Variants in CPEB4 observed in about 807,000 individuals in gnomAD.
CPEB4 encodes cytoplasmic polyadenylation element binding protein 4, also known as cytoplasmic polyadenylation element-binding protein 4.
CPEB4 carries 12 observed loss-of-function variants against 72.5 expected under a neutral mutation model. That is an observed-to-expected ratio of 0.17 (90% CI 0.11 to 0.27). The LOEUF (loss-of-function observed/expected upper bound fraction) is 0.27, where lower values mean the gene tolerates loss of function less well. Ranked by LOEUF, CPEB4 falls within the 10% of genes least tolerant of loss-of-function variation. CPEB4 has a pLI of 1.00. For missense variants in CPEB4, 614 were observed against 908.5 expected, an observed-to-expected ratio of 0.68 and a Z score of 4.17; for synonymous variants, 302 against 326.3, an observed-to-expected ratio of 0.93 and a Z score of 0.80.
intron 2 of CPEB4, among the ~76,000 whole-genome samples, chr5:173,914,107 A>G (rs1756777721): frequency 6.6e-6 from 1 of 152,218 alleles, no homozygotes; most frequent in Non-Finnish European, 1.5e-5. Context: ...GAGTGCATGG[A>G]TCTAAAATGC....
In CPEB4 at chr5:173,900,405, CA is replaced by C. The variant is rs112178226; in HGVS notation, c.1125+9560del. Among the ~76,000 whole-genome samples the C allele has an allele frequency of 1.3e-3, 183 of 143,440 alleles. No individual in the cohort carries two copies. The highest frequency in any genetic ancestry group is 9.7e-4 in the Admixed American group (14 of 14,406). The allele number at this position is 143,440 out of a possible 152,430, so 94.1% of individuals were successfully genotyped here. On this transcript the variant is annotated intron_variant, in intron 1 of 9. Coordinates refer to ENST00000265085, the MANE Select transcript of CPEB4 (RefSeq NM_030627.4). This position sits in a 1 kb window ranked among gnomAD's most constrained non-coding sequence, Gnocchi z 4.4. ...GGACAACAACAGCGGAACTCTGTCT[CA>C]AAAAAAAAAAAAGTTGTACATTAGG...
intron 3 of CPEB4, among the ~76,000 whole-genome samples, chr5:173,934,642 C>A (rs1400897106): frequency 1.3e-5 from 2 of 152,052 alleles, no homozygotes; most frequent in Non-Finnish European, 2.9e-5. Flanking sequence ...CCAACTAGGA[C>A]CAGATGCCAA....
At chr5:173,917,734 TAAAA>T (rs761011373) in intron 2 of CPEB4, among the ~76,000 whole-genome samples, 1 of 152,024 alleles carries the variant, frequency 6.6e-6, no homozygotes, top group Admixed American at 6.6e-5. Context: ...CTCAAAGAAA[TAAAA>T]AAGAAGAAGA....
chr5:173,931,089 G>A (rs180689394), intron 2 of CPEB4, among the ~76,000 whole-genome samples: 2 of 152,150 alleles, frequency 1.3e-5, no homozygotes, highest in East Asian at 3.9e-4. Flanking sequence ...GTTGGCAATA[G>A]AGAATAGTTT....
chr5:173,956,128 C>T lies in CPEB4; in HGVS notation c.2181C>T (p.Arg727=). The T allele has an allele frequency of 6.2e-7, 1 of 1,613,802 alleles. No individual in the cohort carries two copies. The highest frequency in any genetic ancestry group is 8.5e-7 in the Non-Finnish European group (1 of 1,179,746). The change falls in exon 10 of 10, where the codon CGC becomes CGT. Residue 727 remains arginine (R), a synonymous_variant. Transcript: ENST00000265085. ...GGDRPRHISF[R]WN ...ACCGCCCTCGGCATATTTCATTCCG[C>T]TGGAACTAAAGGATAACTGCAGTGC...
chr5:173,917,737 AAAAG>A (rs1356105111), intron 2 of CPEB4, among the ~76,000 whole-genome samples: 1 of 152,186 alleles, frequency 6.6e-6, no homozygotes, highest in African/African-American at 2.4e-5. Context: ...AAAGAAATAA[AAAAG>A]AAGAAGAAAT....
Position 173,950,946 on chromosome 5 carries a change from C to T in CPEB4, c.1665+868C>T, listed in dbSNP as rs1758197242. ...CTGGCAAAGCAGCAGTTTATTATCA[C>T]TCAGCCAGCACCCAGTGAATGATGA... On this transcript the variant is annotated intron_variant, in intron 7 of 9. Coordinates refer to ENST00000265085, the MANE Select transcript of CPEB4 (RefSeq NM_030627.4). This position sits in a 1 kb window ranked among gnomAD's most constrained non-coding sequence, Gnocchi z 5.0. 6.6e-6 allele frequency among the ~76,000 whole-genome samples: 1 copy of T among 152,222 alleles called. No individual in the cohort carries two copies. The highest frequency in any genetic ancestry group is 1.5e-5 in the Non-Finnish European group (1 of 68,042).
At chr5:173,917,893 C>T (rs537923342) in intron 2 of CPEB4, among the ~76,000 whole-genome samples, 11 of 152,326 alleles carry the variant, frequency 7.2e-5, no homozygotes, top group Non-Finnish European at 1.6e-4. Flanking sequence ...TCAGAGTCGG[C>T]CGGCAGCTGC....
At chr5:173,895,134 A>T (rs1214952362) in intron 1 of CPEB4, among the ~76,000 whole-genome samples, 1 of 152,198 alleles carries the variant, frequency 6.6e-6, no homozygotes, top group Non-Finnish European at 1.5e-5. Context: ...ATGAAGGTCC[A>T]TATTCATGTG....
Position 173,934,537 on chromosome 5 carries a change from C to T in CPEB4, c.1258+2037C>T, listed in dbSNP as rs144597664. ...GCAAGACCCGGGAGTGTGGGGTTTA[C>T]AGTTGCCGTGGTCTCAGGTCTAGTA... On this transcript the variant is annotated intron_variant, in intron 3 of 9. Coordinates refer to ENST00000265085, the MANE Select transcript of CPEB4 (RefSeq NM_030627.4). Among the ~76,000 whole-genome samples the T allele has an allele frequency of 2.4e-3, 362 of 152,268 alleles. 4 individuals are homozygous for T. The highest frequency in any genetic ancestry group is 8.5e-3 in the African/African-American group (354 of 41,534).
At chr5:173,911,894 C>T (rs918792997) in intron 2 of CPEB4, among the ~76,000 whole-genome samples, 1 of 152,026 alleles carries the variant, frequency 6.6e-6, no homozygotes, top group Non-Finnish European at 1.5e-5. Flanking sequence ...CCTGCTTAGC[C>T]TAGTTTCCCT....
chr5:173,952,799 A>C (rs1459468336), intron 8 of CPEB4, among the ~76,000 whole-genome samples: 1 of 152,194 alleles, frequency 6.6e-6, no homozygotes, highest in African/African-American at 2.4e-5. Flanking sequence ...GTGACCTTGG[A>C]CAGATGGATC....
Position 173,956,603 on chromosome 5 carries a change from C to CTTTTTTTTTTTTTTTTTT in CPEB4, c.*482_*483insTTTTTTTTTTTTTTTTTT, listed in dbSNP as rs55771761. The CTTTTTTTTTTTTTTTTTT allele has an allele frequency of 7.5e-6, 1 of 133,066 alleles. No homozygotes were observed. The highest frequency in any genetic ancestry group is 1.6e-5 in the Non-Finnish European group (1 of 62,328). 8.2% of individuals were successfully genotyped at this position (133,066 alleles called of 1,614,324 possible). The stretch of plus-strand genomic sequence containing the variant: ...GGGAAGTGCTTTTGCCTTTTCCTTT[C>CTTTTTTTTTTTTTTTTTT]TTTTTTTTTTTTTTTTCATCTTTTT... On this transcript the variant is annotated 3_prime_UTR_variant, in exon 10 of 10. Coordinates refer to ENST00000265085, the MANE Select transcript of CPEB4 (RefSeq NM_030627.4).
Position 173,948,016 on chromosome 5 carries a change from C to G in CPEB4, c.1457-1492C>G, listed in dbSNP as rs1758088782. On this transcript the variant is annotated intron_variant, in intron 5 of 9. Coordinates refer to ENST00000265085, the MANE Select transcript of CPEB4 (RefSeq NM_030627.4). ...AGGGACACGCAGGACAAAAATTGTC[C>G]CAAATCAGGGACAATTTTGGGGACA... Among the ~76,000 whole-genome samples, 3 of 151,824 alleles carry G rather than the reference C, an allele frequency of 2.0e-5. No homozygotes were observed. The South Asian group carries it at 6.2e-4, about 32-fold the overall frequency.
chr5:173,907,832 G>A lies in CPEB4; in HGVS notation c.1126-2691G>A, dbSNP rs1427782870. On this transcript the variant is annotated intron_variant, in intron 1 of 9. Transcript: ENST00000265085. ...AGCTCCTGCCACCTCAGGCTCTTTT[G>A]GACAGTCTTGTGGGCTTAGGACATG... Among the ~76,000 whole-genome samples the A allele has an allele frequency of 2.0e-5, 3 of 152,190 alleles. No individual in the cohort carries two copies. In the East Asian group the frequency reaches 5.8e-4, roughly 29 times the overall value.
chr5:173,910,619 A>G lies in CPEB4; in HGVS notation c.1207+15A>G, dbSNP rs1756621828. Reference sequence around the variant, plus strand: ...TACCATTAAAGGTAAGTTTAGAAATATACCCAATTGATTTCAGACAATAGT... The same window carrying G: ...TACCATTAAAGGTAAGTTTAGAAATGTACCCAATTGATTTCAGACAATAGT... On this transcript the variant is annotated intron_variant, in intron 2 of 9. Coordinates refer to ENST00000265085, the MANE Select transcript of CPEB4 (RefSeq NM_030627.4). The G allele has an allele frequency of 6.8e-7, 1 of 1,464,898 alleles. No homozygotes were observed. Among genetic ancestry groups the G allele is most frequent in the South Asian group, 1.1e-5 (1 of 87,702 alleles). The allele number at this position is 1,464,898 out of a possible 1,614,324, so 90.7% of individuals were successfully genotyped here.
rs1252549340 is a variant in CPEB4 at position 173,955,767 on chromosome 5, A to G, written c.1963-143A>G. On this transcript the variant is annotated intron_variant, in intron 9 of 9. Transcript: ENST00000265085. The surrounding 1 kb of genome is among the most constrained non-coding windows in gnomAD (Gnocchi z 4.7). ...TAGGTTCTTAAAAGATGAACTATCC[A>G]TATTTCAGTAAATGAATAATTAGTC... 5 of 609,192 alleles carry G rather than the reference A, an allele frequency of 8.2e-6. No individual in the cohort carries two copies. The highest frequency in any genetic ancestry group is 3.1e-5 in the Admixed American group (1 of 31,846). The allele number at this position is 609,192 out of a possible 1,614,324, so 37.7% of individuals were successfully genotyped here.
rs1481607760 is a variant in CPEB4, at chr5:173,956,654, T to C, written c.*517T>C. ...TGTCTCTCTCTTTTTTCCATCCCTTTTTAATTTTTTTAACAGCAATGGAGG... is the reference window on the plus strand; with the variant it reads ...TGTCTCTCTCTTTTTTCCATCCCTTCTTAATTTTTTTAACAGCAATGGAGG... On this transcript the variant is annotated 3_prime_UTR_variant, in exon 10 of 10. Transcript: ENST00000265085. 1 of 151,638 alleles carries C rather than the reference T, an allele frequency of 6.6e-6. No individual in the cohort carries two copies. Among genetic ancestry groups the C allele is most frequent in the African/African-American group, 2.4e-5 (1 of 41,292 alleles). 9.4% of individuals were successfully genotyped at this position (151,638 alleles called of 1,614,324 possible).
intron 1 of CPEB4, among the ~76,000 whole-genome samples, chr5:173,892,274 A>ATTTTTTTTTTTTTTTTTTTTTTT (rs71820084): frequency 8.3e-6 from 1 of 120,770 alleles, no homozygotes. Flanking sequence ...TCTAAAAACG[A>ATTTTTTTTTTTTTTTTTTTTTTT]TTTTTTTTTT....
Sources: gnomAD v4.1 joint callset for allele counts (sites outside exome capture counted in the v4.1 genomes callset) on GRCh38, gnomAD v4.1.1 for gene constraint, Gnocchi (gnomAD v3.1) non-coding constraint, MANE v1.5 for transcripts, NCBI Gene and HGNC (gene_info 2026-07-23, HGNC 2026-07-21) for gene names.